The following NXN variants were observed in gnomAD, a reference collection of about 807,000 sequenced individuals.
NXN encodes the protein nucleoredoxin 1.
In NXN, 16 loss-of-function variants were observed where a neutral mutation model predicts 48.6. That is an observed-to-expected ratio of 0.33 (90% CI 0.22 to 0.50). NXN has a LOEUF of 0.50. Ranked by LOEUF, NXN falls within the 20% of genes least tolerant of loss-of-function variation. The pLI is 0.98. For missense variants in NXN, 492 were observed against 605.5 expected, an observed-to-expected ratio of 0.81 and a Z score of 1.97; for synonymous variants, 281 against 269.6, an observed-to-expected ratio of 1.04 and a Z score of -0.41.
Position 958,648 on chromosome 17 carries a change from G to A in NXN, c.360+20671C>T, listed in dbSNP as rs1412031469. 6.6e-6 allele frequency among the ~76,000 whole-genome samples: 1 copy of A among 152,174 alleles called. No homozygotes were observed. The highest frequency in any genetic ancestry group is 2.4e-5 in the African/African-American group (1 of 41,438). ...TAGCCAGGCGTGGTGGCGTGCGCCT[G>A]TAGTCCCAGCTACTCAGGAGGCTGA... On this transcript the variant is annotated intron_variant, in intron 1 of 7. Coordinates refer to ENST00000336868, the MANE Select transcript of NXN (RefSeq NM_022463.5). This position sits in a 1 kb window ranked among gnomAD's most constrained non-coding sequence, Gnocchi z 6.9.
chr17:843,045 A>G lies in NXN; in HGVS notation c.361-16967T>C, dbSNP rs185472480. Among the ~76,000 whole-genome samples, 18 of 138,214 alleles carry G rather than the reference A, an allele frequency of 1.3e-4. No individual in the cohort carries two copies. In the East Asian group the frequency reaches 3.5e-3, roughly 27 times the overall value. 90.7% of individuals were successfully genotyped at this position (138,214 alleles called of 152,430 possible). ...GAAAGAAAGAAAGAAAGAAAGAAAGAAAGAAAGAAAGAAGGAAGAAAGCAA... is the reference window on the plus strand; with the variant it reads ...GAAAGAAAGAAAGAAAGAAAGAAAGGAAGAAAGAAAGAAGGAAGAAAGCAA... On this transcript the variant is annotated intron_variant, in intron 1 of 7. Coordinates refer to ENST00000336868, the MANE Select transcript of NXN (RefSeq NM_022463.5).
chr17:901,460 A>G (rs914657844), intron 1 of NXN, among the ~76,000 whole-genome samples: 2 of 152,172 alleles, frequency 1.3e-5, no homozygotes, highest in East Asian at 1.9e-4. Flanking sequence ...CCAGATCCCA[A>G]GTGACTCAAA....
chr17:909,147 G>A (rs1323634776), intron 1 of NXN, among the ~76,000 whole-genome samples: 2 of 147,412 alleles, frequency 1.4e-5, no homozygotes, highest in Admixed American at 6.7e-5. Context: ...CCAGCAGTCT[G>A]TCCTAGTCAA....
At chr17:944,050 C>T (rs1052560579) in intron 1 of NXN, among the ~76,000 whole-genome samples, 3 of 151,856 alleles carry the variant, frequency 2.0e-5, no homozygotes, top group South Asian at 2.1e-4. Context: ...CCAGCCTGGC[C>T]AACATGACGA....
At chr17:843,298 TTGAC>T (rs1474683993) in intron 1 of NXN, among the ~76,000 whole-genome samples, 6 of 152,252 alleles carry the variant, frequency 3.9e-5, no homozygotes, top group Admixed American at 3.3e-4. Flanking sequence ...AGGAGGTTCA[TTGAC>T]TGTGCCATTC....
chr17:932,665 G>A lies in NXN; in HGVS notation c.360+46654C>T, dbSNP rs1277657365. On this transcript the variant is annotated intron_variant, in intron 1 of 7. Coordinates refer to ENST00000336868, the MANE Select transcript of NXN (RefSeq NM_022463.5). The surrounding 1 kb of genome is among the most constrained non-coding windows in gnomAD (Gnocchi z 4.1). ...GGGTCAGCAGCAAGGACCCATCACC[G>A]GAAGAGGCTTCTGAGAGGCACCGAC... Among the ~76,000 whole-genome samples the A allele has an allele frequency of 3.3e-5, 5 of 152,264 alleles. No homozygotes were observed. Among genetic ancestry groups the A allele is most frequent in the East Asian group, 1.9e-4 (1 of 5,178 alleles).
intron 5 of NXN, among the ~76,000 whole-genome samples, chr17:806,170 TGC>T: frequency 1.1e-5 from 1 of 92,518 alleles, no homozygotes; most frequent in Admixed American, 1.1e-4. Context: ...CCCCGCCGTC[TGC>T]ACCCCAGCAC....
chr17:859,254 G>C (rs1044366018), intron 1 of NXN, among the ~76,000 whole-genome samples: 2 of 152,170 alleles, frequency 1.3e-5, no homozygotes, highest in South Asian at 4.1e-4. Flanking sequence ...TATCCACGCT[G>C]ACCGATAGTT....
chr17:918,819 C>T (rs896881867), intron 1 of NXN, among the ~76,000 whole-genome samples: 6 of 14,456 alleles, frequency 4.2e-4, no homozygotes, highest in South Asian at 1.0e-3. Flanking sequence ...GGTGGGGGGG[C>T]GGGTGTTTGT....
At chr17:892,554 C>G (rs1265257795) in intron 1 of NXN, among the ~76,000 whole-genome samples, 1 of 148,590 alleles carries the variant, frequency 6.7e-6, no homozygotes, top group Admixed American at 6.7e-5. Context: ...AAAACACTCA[C>G]AAACGCACCT....
chr17:930,187 A>G (rs2068839593), intron 1 of NXN: 1 of 152,184 alleles, frequency 6.6e-6, no homozygotes, highest in South Asian at 2.1e-4. Flanking sequence ...TAATCCCAGT[A>G]CTATGGGAGA....
At chr17:852,974 T>C (rs1468903537) in intron 1 of NXN, among the ~76,000 whole-genome samples, 1 of 151,916 alleles carries the variant, frequency 6.6e-6, no homozygotes, top group African/African-American at 2.4e-5. Context: ...ACCTAAAGTG[T>C]AAATTTTTTC....
At chr17:839,712 G>A (rs1914029395) in intron 1 of NXN, among the ~76,000 whole-genome samples, 1 of 149,978 alleles carries the variant, frequency 6.7e-6, no homozygotes, top group Non-Finnish European at 1.5e-5. Context: ...TGAGGCAGGA[G>A]GATCACCTGA....
intron 1 of NXN, among the ~76,000 whole-genome samples, chr17:876,178 T>C (rs1364496406): frequency 1.0e-5 from 1 of 99,532 alleles, no homozygotes; most frequent in African/African-American, 4.2e-5. Context: ...TAAGAATCCA[T>C]CAGAAAAGAA....
intron 1 of NXN, among the ~76,000 whole-genome samples, chr17:937,791 G>A (rs746294971): frequency 4.6e-5 from 7 of 152,244 alleles, no homozygotes; most frequent in African/African-American, 9.6e-5. Context: ...CGGGGCGTTC[G>A]ATGATGATGA....
intron 4 of NXN, 46 bp from the exon 5 acceptor site, chr17:819,591 C>T (rs762096272): frequency 1.5e-6 from 2 of 1,330,918 alleles, no homozygotes; most frequent in East Asian, 4.6e-5. Context: ...ATCCCCACTG[C>T]ACCAACGCTG....
At chr17:963,880 A>G (rs895817021) in intron 1 of NXN, among the ~76,000 whole-genome samples, 1 of 151,594 alleles carries the variant, frequency 6.6e-6, no homozygotes, top group Non-Finnish European at 1.5e-5. Context: ...GATCGAGACC[A>G]TCGTGGCTAA....
At chr17:948,184 A>C (rs2069067324) in intron 1 of NXN, among the ~76,000 whole-genome samples, 1 of 152,194 alleles carries the variant, frequency 6.6e-6, no homozygotes, top group African/African-American at 2.4e-5. Flanking sequence ...ATTACTCATA[A>C]TACATTGTAT....
At chr17:859,645 A>G (rs2068021741) in intron 1 of NXN, among the ~76,000 whole-genome samples, 1 of 152,186 alleles carries the variant, frequency 6.6e-6, no homozygotes, top group Non-Finnish European at 1.5e-5. Context: ...CTGCTCTGTC[A>G]CGACCTGTTT....
Sources: gnomAD v4.1 joint callset for allele counts (sites outside exome capture counted in the v4.1 genomes callset) on GRCh38, gnomAD v4.1.1 for gene constraint, Gnocchi (gnomAD v3.1) non-coding constraint, MANE v1.5 for transcripts, NCBI Gene and HGNC (gene_info 2026-07-23, HGNC 2026-07-21) for gene names.